NR3C2: variants seen among roughly 807,000 people sequenced by gnomAD.
The protein encoded by NR3C2 is nuclear receptor subfamily 3 group C member 2, also known as mineralocorticoid receptor.
In NR3C2, 15 loss-of-function variants were observed where a neutral mutation model predicts 86.4. The ratio of observed to expected loss-of-function variants is 0.17; its 90% CI spans 0.12 to 0.27. The LOEUF (loss-of-function observed/expected upper bound fraction) is 0.27. Ranked by LOEUF, NR3C2 falls within the 10% of genes least tolerant of loss-of-function variation. NR3C2 has a pLI of 1.00. For synonymous variants in NR3C2, 458 were observed against 450.5 expected (o/e 1.02, Z -0.21); for missense variants, 960 against 1,195.6 (o/e 0.80, Z 2.91).
At chr4:148,368,072 T>C (rs945135850) in intron 2 of NR3C2, among the ~76,000 whole-genome samples, 4 of 152,030 alleles carry the variant, frequency 2.6e-5, no homozygotes, top group African/African-American at 9.7e-5. Flanking sequence ...ATCAGTTCCA[T>C]ATCTCCCTAT....
intron 2 of NR3C2, among the ~76,000 whole-genome samples, chr4:148,284,032 G>A (rs73855942): frequency 0.039 from 5,924 of 152,208 alleles, 372 homozygotes; most frequent in African/African-American, 0.13. Flanking sequence ...CTTGTCCCAC[G>A]GGAGAGATAA....
At position 148,120,098 on chromosome 4, in the gene NR3C2, GC is replaced by G; in HGVS notation, c.2641+59del. ...ACCTGAATACAATAAATAGCCTACT[GC>G]CCTATGGGGAAGATGATCTGGTAAT... On this transcript the variant is annotated intron_variant, in intron 7 of 8. Coordinates refer to ENST00000358102, the MANE Select transcript of NR3C2 (RefSeq NM_000901.5). 6.9e-6 allele frequency: 11 copies of G among 1,605,486 alleles called. No homozygotes were observed. In the South Asian group the frequency reaches 1.1e-4, roughly 16 times the overall value.
rs1441741435 is a variant in NR3C2 at position 148,399,161 on chromosome 4, T to C, written c.1757+35943A>G. Among the ~76,000 whole-genome samples, 3 of 152,232 alleles carry C rather than the reference T, an allele frequency of 2.0e-5. No homozygotes were observed. The East Asian group carries it at 5.8e-4, about 29-fold the overall frequency. On this transcript the variant is annotated intron_variant, in intron 2 of 8. Transcript: ENST00000358102. ...TTGCATCCCTTAAAACAGTGGCCTC[T>C]TGCCTCTGGCCTTTGTGTTAACTGT...
chr4:148,436,839 T>C lies in NR3C2; in HGVS notation c.22A>G (p.Ser8Gly), dbSNP rs765022557. 6.2e-7 allele frequency: 1 copy of C among 1,610,908 alleles called. No individual in the cohort carries two copies. The highest frequency in any genetic ancestry group is 1.6e-4 in the Middle Eastern group (1 of 6,062). Reference protein sequence around the residue: METKGYHSLPEGLDMERR... With the variant: METKGYHGLPEGLDMERR... ...TCCATATCTAGACCTTCAGGGAGAC[T>C]GTGGTAGCCTTTGGTCTCCATCGCT... Residue 8 changes from serine (S) to glycine (G), a missense_variant, in exon 2 of 9, where the codon AGT becomes GGT. Ser to Gly is a moderately conservative substitution (Grantham distance 56). Coordinates refer to ENST00000358102, the MANE Select transcript of NR3C2 (RefSeq NM_000901.5).
chr4:148,159,196 C>T (rs1429485976), intron 4 of NR3C2, among the ~76,000 whole-genome samples: 4 of 151,976 alleles, frequency 2.6e-5, no homozygotes, highest in Non-Finnish European at 5.9e-5. Context: ...CTTATGGGTA[C>T]TCAATAAAAA....
chr4:148,290,996 T>C (rs79238279), intron 2 of NR3C2, among the ~76,000 whole-genome samples: 3,167 of 152,272 alleles, frequency 0.021, 87 homozygotes, highest in Admixed American at 0.084. Context: ...CACCTTTGTA[T>C]ACAAATTTGC....
chr4:148,299,051 A>G (rs1293691195), intron 2 of NR3C2, among the ~76,000 whole-genome samples: 1 of 152,168 alleles, frequency 6.6e-6, no homozygotes, highest in Non-Finnish European at 1.5e-5. Flanking sequence ...CCCAGTATTC[A>G]ATACGTGAGG....
At chr4:148,386,480 T>C (rs1243444251) in intron 2 of NR3C2, among the ~76,000 whole-genome samples, 1 of 152,204 alleles carries the variant, frequency 6.6e-6, no homozygotes, top group Non-Finnish European at 1.5e-5. Flanking sequence ...TAAAGAGAGC[T>C]GGATTTGGAG....
chr4:148,350,204 C>T (rs1377652062), intron 2 of NR3C2, among the ~76,000 whole-genome samples: 1 of 152,108 alleles, frequency 6.6e-6, no homozygotes, highest in Non-Finnish European at 1.5e-5. Context: ...GCCAATGTAC[C>T]TAATTACAAA....
At chr4:148,203,832 G>A (rs1176640494) in intron 3 of NR3C2, among the ~76,000 whole-genome samples, 2 of 152,204 alleles carry the variant, frequency 1.3e-5, no homozygotes, top group East Asian at 3.9e-4. Flanking sequence ...CTGCTGCTGA[G>A]GTTTATGAGT....
At chr4:148,091,549 G>T (rs1731061946) in intron 8 of NR3C2, among the ~76,000 whole-genome samples, 1 of 152,206 alleles carries the variant, frequency 6.6e-6, no homozygotes, top group Non-Finnish European at 1.5e-5. Context: ...AAACATCTGG[G>T]TCAGCATGGA....
At chr4:148,310,780 G>T (rs1437815057) in intron 2 of NR3C2, among the ~76,000 whole-genome samples, 1 of 152,036 alleles carries the variant, frequency 6.6e-6, no homozygotes, top group African/African-American at 2.4e-5. Flanking sequence ...TTTTTTAAAA[G>T]AACACTTTGA....
intron 2 of NR3C2, among the ~76,000 whole-genome samples, chr4:148,398,831 G>T (rs899766955): frequency 6.6e-6 from 1 of 152,168 alleles, no homozygotes; most frequent in South Asian, 2.1e-4. Flanking sequence ...AGTACCCTGG[G>T]TAGTGAGATA....
At chr4:148,122,435 T>C (rs1400761333) in intron 6 of NR3C2, among the ~76,000 whole-genome samples, 1 of 152,248 alleles carries the variant, frequency 6.6e-6, no homozygotes, top group East Asian at 1.9e-4. Flanking sequence ...ATTTCACACA[T>C]ATTTTCTAAA....
chr4:148,185,237 AG>A (rs1560966160), intron 4 of NR3C2, among the ~76,000 whole-genome samples: 1 of 152,358 alleles, frequency 6.6e-6, no homozygotes, highest in African/African-American at 2.4e-5. Flanking sequence ...TGAGGTTACA[AG>A]GTCAGTGAGT....
intron 4 of NR3C2, among the ~76,000 whole-genome samples, chr4:148,159,191 G>A (rs1734544027): frequency 6.6e-6 from 1 of 151,964 alleles, no homozygotes; most frequent in African/African-American, 2.4e-5. Context: ...TGATGCTTAT[G>A]GGTACTCAAT....
At chr4:148,230,368 G>T (rs1254117725) in intron 3 of NR3C2, among the ~76,000 whole-genome samples, 2 of 151,996 alleles carry the variant, frequency 1.3e-5, no homozygotes, top group Admixed American at 1.3e-4. Flanking sequence ...TAATTTTTTT[G>T]TATTTTTTAG....
At chr4:148,210,481 G>C (rs7655438) in intron 3 of NR3C2, among the ~76,000 whole-genome samples, 36,527 of 152,118 alleles carry the variant, frequency 0.24, 4,510 homozygotes, top group South Asian at 0.37. Context: ...AGGAGCCATT[G>C]CACCCAGCCA....
chr4:148,324,337 G>C (rs972934718), intron 2 of NR3C2, among the ~76,000 whole-genome samples: 1 of 75,170 alleles, frequency 1.3e-5, no homozygotes, highest in Non-Finnish European at 2.4e-5. Context: ...TCCTCTGTGT[G>C]TGTGTGTGTG....
Sources: gnomAD v4.1 joint callset for allele counts (sites outside exome capture counted in the v4.1 genomes callset) on GRCh38, gnomAD v4.1.1 for gene constraint, MANE v1.5 for transcripts, NCBI Gene and HGNC (gene_info 2026-07-23, HGNC 2026-07-21) for gene names.